TLN2: variants seen among roughly 807,000 people sequenced by gnomAD.
The protein encoded by TLN2 is talin-2.
A neutral mutation model predicts 294.7 loss-of-function variants in TLN2; 118 were observed. The ratio of observed to expected loss-of-function variants is 0.40; its 90% CI spans 0.34 to 0.47. TLN2 has a LOEUF of 0.47. Ranked by LOEUF, TLN2 falls within the 20% of genes least tolerant of loss-of-function variation. The pLI, the probability that TLN2 is intolerant of heterozygous loss-of-function variation, is 0.84. For synonymous variants in TLN2, 1,431 were observed against 1,304.5 expected, an observed-to-expected ratio of 1.10 and a Z score of -2.09; for missense variants, 3,083 against 3,282.2, an observed-to-expected ratio of 0.94 and a Z score of 1.48.
chr15:62,578,814 G>C (rs551495551), intron 1 of TLN2, among the ~76,000 whole-genome samples: 1 of 152,288 alleles, frequency 6.6e-6, no homozygotes, highest in African/African-American at 2.4e-5. Context: ...AGCAGAGTGA[G>C]GCATGGAGGA....
intron 1 of TLN2, among the ~76,000 whole-genome samples, chr15:62,576,220 C>T (rs968573739): frequency 6.6e-6 from 1 of 151,220 alleles, no homozygotes; most frequent in African/African-American, 2.4e-5. Context: ...CTCGAGATCA[C>T]GCCATTGCAC....
chr15:62,732,170 TAC>T (rs1209098279), intron 28 of TLN2, among the ~76,000 whole-genome samples: 1 of 152,214 alleles, frequency 6.6e-6, no homozygotes, highest in Non-Finnish European at 1.5e-5. Context: ...CAAAAATGTC[TAC>T]ACTTTCCCGA....
chr15:62,742,022 G>GT (rs766649173), intron 32 of TLN2, among the ~76,000 whole-genome samples: 4 of 100,218 alleles, frequency 4.0e-5, no homozygotes, highest in Admixed American at 1.1e-4. Flanking sequence ...GGCTTGTAGT[G>GT]GGGTGTGTGT....
At chr15:62,760,996 G>A (rs1166017210) in intron 37 of TLN2, among the ~76,000 whole-genome samples, 1 of 152,160 alleles carries the variant, frequency 6.6e-6, no homozygotes, top group Non-Finnish European at 1.5e-5. Flanking sequence ...TAGATTAGGA[G>A]GGTCACCTGT....
chr15:62,682,677 C>T (rs565455967), intron 11 of TLN2, among the ~76,000 whole-genome samples: 3 of 152,090 alleles, frequency 2.0e-5, no homozygotes, highest in Non-Finnish European at 2.9e-5. Context: ...CTGTAAATGT[C>T]TACATTCTTC....
At chr15:62,547,755 A>G (rs779341203) in intron 1 of TLN2, among the ~76,000 whole-genome samples, 3 of 152,198 alleles carry the variant, frequency 2.0e-5, no homozygotes, top group South Asian at 2.1e-4. Flanking sequence ...GCAATCTGCA[A>G]ATGGAAAGTA....
chr15:62,691,061 GA>G (rs2057861962), intron 12 of TLN2, among the ~76,000 whole-genome samples: 1 of 133,654 alleles, frequency 7.5e-6, no homozygotes, highest in African/African-American at 2.7e-5. Context: ...AGGGGGAGGG[GA>G]GGGGGAGGGG....
intron 1 of TLN2, among the ~76,000 whole-genome samples, chr15:62,401,022 C>T (rs2032983533): frequency 6.6e-6 from 1 of 151,944 alleles, no homozygotes; most frequent in Non-Finnish European, 1.5e-5. Flanking sequence ...CACCGTGTTG[C>T]CCAGGCTGGT....
intron 10 of TLN2, among the ~76,000 whole-genome samples, chr15:62,674,892 G>A (rs181807714): frequency 1.4e-4 from 22 of 152,316 alleles, no homozygotes; most frequent in African/African-American, 4.6e-4. Context: ...AACCATTTGG[G>A]ACGTGGAGTC....
chr15:62,544,343 C>T (rs760427943), intron 1 of TLN2, among the ~76,000 whole-genome samples: 4 of 152,200 alleles, frequency 2.6e-5, no homozygotes, highest in African/African-American at 7.2e-5. Context: ...CGCCAACACT[C>T]GTGGTCTCTG....
intron 19 of TLN2, 63 bp downstream of exon 19, chr15:62,702,927 G>T (rs748350024): frequency 6.9e-7 from 1 of 1,441,984 alleles, no homozygotes; most frequent in African/African-American, 1.4e-5. Flanking sequence ...GACCCGAGCA[G>T]GCAGAATGTA....
intron 3 of TLN2, among the ~76,000 whole-genome samples, chr15:62,631,630 CCTTTCTTTCTCTTTCTTTCCTTCTTTTT>C (rs956697138): frequency 3.0e-5 from 4 of 131,738 alleles, no homozygotes; most frequent in Non-Finnish European, 6.5e-5. Context: ...CTCCTCCCTC[CCTTTCTTTCTCTTTCTTTCCTTCTTTTT>C]CTTTCTTTCT....
intron 1 of TLN2, among the ~76,000 whole-genome samples, chr15:62,404,452 C>T (rs1198771028): frequency 2.0e-5 from 3 of 152,210 alleles, no homozygotes; most frequent in East Asian, 3.9e-4. Flanking sequence ...GGGGAGATGT[C>T]TCCTTCTTCT....
chr15:62,485,358 G>A (rs528648121), intron 1 of TLN2, among the ~76,000 whole-genome samples: 4 of 152,360 alleles, frequency 2.6e-5, no homozygotes, highest in South Asian at 2.1e-4. Context: ...GCCGAAGCAG[G>A]TCCAAGGGTC....
chr15:62,769,048 C>A (rs2063190660), intron 41 of TLN2, among the ~76,000 whole-genome samples: 1 of 152,238 alleles, frequency 6.6e-6, no homozygotes, highest in South Asian at 2.1e-4. Context: ...ATGCTACCTC[C>A]ATGGGGGAGC....
At chr15:62,802,452 G>A (rs1054192139) in intron 50 of TLN2, among the ~76,000 whole-genome samples, 11 of 150,426 alleles carry the variant, frequency 7.3e-5, no homozygotes, top group Non-Finnish European at 1.5e-4. Context: ...ATATAATATT[G>A]AAGAGATATC....
At position 62,579,211 on chromosome 15, in the gene TLN2, C is replaced by G. The variant is rs116083920; in HGVS notation, c.-237-10476C>G. ...AGCGAATATGCAAAAAAATCACTGG[C>G]CATGTGAGGAAAGAGAAGAGGAATT... On this transcript the variant is annotated intron_variant, in intron 1 of 58. Transcript: ENST00000636159. 7.6e-3 allele frequency among the ~76,000 whole-genome samples: 1,163 copies of G among 152,060 alleles called. 14 individuals are homozygous for G. The highest frequency in any genetic ancestry group is 0.027 in the African/African-American group (1,110 of 41,474).
At chr15:62,661,292 T>A (rs1251343736) in intron 9 of TLN2, among the ~76,000 whole-genome samples, 7 of 152,174 alleles carry the variant, frequency 4.6e-5, no homozygotes, top group Admixed American at 4.6e-4. Context: ...TTTTTCAACA[T>A]TGTGCCGTGT....
At chr15:62,511,413 C>CT (rs2039928449) in intron 1 of TLN2, among the ~76,000 whole-genome samples, 1 of 152,164 alleles carries the variant, frequency 6.6e-6, no homozygotes, top group African/African-American at 2.4e-5. Flanking sequence ...TGAATTCTCC[C>CT]TTTTTTTCTC....
Sources: allele counts gnomAD v4.1 joint callset (sites outside exome capture counted in the v4.1 genomes callset), GRCh38; gene constraint gnomAD v4.1.1; transcripts MANE v1.5; gene names NCBI Gene and HGNC (gene_info 2026-07-23, HGNC 2026-07-21).